PCDHA6: variants seen among roughly 807,000 people sequenced by gnomAD.
The protein encoded by PCDHA6 is protocadherin alpha 6.
In PCDHA6, 55 loss-of-function variants were observed where a neutral mutation model predicts 60.3. That is an observed-to-expected ratio of 0.91 (90% CI 0.73 to 1.14). PCDHA6 has a LOEUF of 1.14. PCDHA6 is among the 50% of genes most tolerant of loss of function. The pLI is 0.00. For missense variants in PCDHA6, 1,327 were observed against 1,256.5 expected (o/e 1.06, Z -0.85); for synonymous variants, 652 against 557.9 (o/e 1.17, Z -2.38).
At chr5:141,003,094 A>G (rs2098111645) in intron 3 of PCDHA6, among the ~76,000 whole-genome samples, 1 of 152,230 alleles carries the variant, frequency 6.6e-6, no homozygotes, top group African/African-American at 2.4e-5. Flanking sequence ...CAGGCCTGGC[A>G]TTTGCTTCAC....
intron 1 of PCDHA6, chr5:140,883,477 C>CTACT: frequency 6.2e-7 from 1 of 1,614,172 alleles, no homozygotes; most frequent in Middle Eastern, 1.7e-4. Context: ...CCTACAAGAA[C>CTACT]TACTACTCAT....
In PCDHA6 at chr5:140,828,733, C is replaced by T. The variant is rs2150158342; in HGVS notation, c.642C>T (p.Ala214=). The T allele has an allele frequency of 1.4e-5, 23 of 1,614,096 alleles. No individual in the cohort carries two copies. In the Middle Eastern group the frequency reaches 8.2e-4, roughly 58 times the overall value. Residue 214 remains alanine, a synonymous_variant, in exon 1 of 4, where the codon GCC becomes GCT. Transcript: ENST00000529310. ...EAPAHNLFLT[A]TDGGKPELTG... ...CTGCACACAACTTATTCCTGACAGC[C>T]ACAGATGGGGGCAAACCTGAGCTCA...
At chr5:140,926,519 C>T (rs2083298131) in intron 1 of PCDHA6, 1 of 204,364 alleles carries the variant, frequency 4.9e-6, no homozygotes, top group Non-Finnish European at 9.7e-6. Flanking sequence ...AGGCTCCGCC[C>T]TGCGCCCGCA....
intron 1 of PCDHA6, chr5:140,884,132 T>C: frequency 6.2e-7 from 1 of 1,613,400 alleles, no homozygotes; most frequent in South Asian, 1.1e-5. Context: ...GCGCATCCCG[T>C]TCCGCGTGGG....
intron 1 of PCDHA6, chr5:140,856,661 C>T: frequency 6.3e-7 from 1 of 1,598,066 alleles, no homozygotes; most frequent in South Asian, 1.1e-5. Flanking sequence ...TGAAGAAAAT[C>T]CTCAGCTAAA....
intron 1 of PCDHA6, 77 bp downstream of exon 1, chr5:140,830,562 T>G (rs1411985813): frequency 4.0e-6 from 4 of 990,432 alleles, no homozygotes; most frequent in Admixed American, 6.9e-5. Context: ...GTCTTCTATA[T>G]TTCTGTTTTT....
chr5:141,010,074 G>T lies in PCDHA6; in HGVS notation c.*137G>T, dbSNP rs1444826216. The stretch of plus-strand genomic sequence containing the variant: ...CTCAGAAATCTGCAGAAAGTTCCCT[G>T]TGTCTGTCTAGAACGCATTTAACAG... On this transcript the variant is annotated 3_prime_UTR_variant, in exon 4 of 4. Coordinates refer to ENST00000529310, the MANE Select transcript of PCDHA6 (RefSeq NM_018909.4). 6.8e-6 allele frequency: 11 copies of T among 1,607,726 alleles called. No individual in the cohort carries two copies. Among genetic ancestry groups the T allele is most frequent in the Non-Finnish European group, 9.3e-6 (11 of 1,176,762 alleles).
chr5:140,830,235 T>A lies in PCDHA6; in HGVS notation c.2144T>A (p.Leu715Gln). The A allele has an allele frequency of 1.9e-6, 3 of 1,613,922 alleles. No individual in the cohort carries two copies. The highest frequency in any genetic ancestry group is 2.5e-6 in the Non-Finnish European group (3 of 1,179,886). The stretch of plus-strand genomic sequence containing the variant: ...GTATCCAGCCTGCTGGTCCTCACGC[T>A]ACTGCTGTACACAGCGCTGCGGTGC... ...CAVSSLLVLT[L>Q]LLYTALRCSA... The change falls in exon 1 of 4, where the codon CTA becomes CAA. Residue 715 changes from leucine (L) to glutamine (Q), a missense_variant. Transcript: ENST00000529310.
chr5:140,841,176 A>G, intron 1 of PCDHA6: 24 of 1,081,656 alleles, frequency 2.2e-5, no homozygotes, highest in Non-Finnish European at 3.1e-5. Context: ...TGGTTGGTCA[A>G]TGTTCAAAGT....
chr5:140,870,689 T>G (rs1349209235), intron 1 of PCDHA6: 1 of 1,612,838 alleles, frequency 6.2e-7, no homozygotes. Context: ...GAGCTGGAGC[T>G]GCTACAGTTC....
rs1770983457 is a variant in PCDHA6, at chr5:140,830,316, C to A, written c.2225C>A (p.Ser742Tyr). 1.2e-6 allele frequency: 2 copies of A among 1,613,980 alleles called. No homozygotes were observed. Among genetic ancestry groups the A allele is most frequent in the Non-Finnish European group, 1.7e-6 (2 of 1,179,936 alleles). ...GCGGACAAGCCCACGCTGGTGTGCTCCAGCGCAGTGGGGAGCTGGTCGTAC... is the reference window on the plus strand; with the variant it reads ...GCGGACAAGCCCACGCTGGTGTGCTACAGCGCAGTGGGGAGCTGGTCGTAC... ...CTADKPTLVC[S>Y]SAVGSWSYSQ... The change falls in exon 1 of 4, where the codon TCC becomes TAC. Residue 742 changes from serine (S) to tyrosine (Y), a missense_variant. Physicochemically the swap from Ser to Tyr is moderately radical, Grantham distance 144. Transcript: ENST00000529310.
At chr5:140,846,874 G>A (rs1315132744) in intron 1 of PCDHA6, among the ~76,000 whole-genome samples, 2 of 149,594 alleles carry the variant, frequency 1.3e-5, no homozygotes, top group Admixed American at 6.7e-5. Flanking sequence ...AGGTACAAGA[G>A]GTAAATCAGA....
intron 1 of PCDHA6, chr5:140,966,488 C>T: frequency 2.3e-6 from 1 of 440,248 alleles, no homozygotes; most frequent in Non-Finnish European, 3.9e-6. Flanking sequence ...TTTCCCTCCC[C>T]CTGGAGCTGT....
chr5:140,904,926 A>G (rs1459530811), intron 1 of PCDHA6, among the ~76,000 whole-genome samples: 1 of 152,130 alleles, frequency 6.6e-6, no homozygotes, highest in Admixed American at 6.5e-5. Context: ...ACTTCCTTGT[A>G]GGTTCTGGAT....
chr5:140,875,388 G>A, intron 1 of PCDHA6: 5 of 1,468,696 alleles, frequency 3.4e-6, no homozygotes, highest in Non-Finnish European at 4.5e-6. Flanking sequence ...TGTACTTACA[G>A]AAAAGGGTGA....
chr5:140,896,228 G>C (rs567886194), intron 1 of PCDHA6, among the ~76,000 whole-genome samples: 1 of 152,298 alleles, frequency 6.6e-6, no homozygotes, highest in South Asian at 2.1e-4. Context: ...CTTTATAGTA[G>C]AATGACTTAT....
At chr5:140,845,285 A>G (rs1237210455) in intron 1 of PCDHA6, among the ~76,000 whole-genome samples, 1 of 149,314 alleles carries the variant, frequency 6.7e-6, no homozygotes, top group East Asian at 1.9e-4. Context: ...AATATTTCCT[A>G]TCCTGTCTAT....
chr5:140,957,717 A>G (rs2095377934), intron 1 of PCDHA6, among the ~76,000 whole-genome samples: 1 of 152,166 alleles, frequency 6.6e-6, no homozygotes, highest in African/African-American at 2.4e-5. Context: ...TTATTAAGAA[A>G]GAAGCAGAAT....
chr5:140,846,369 CTTTCTTTTT>C lies in PCDHA6; in HGVS notation c.2394+15888_2394+15896del, dbSNP rs1780378875. Among the ~76,000 whole-genome samples the C allele has an allele frequency of 1.9e-4, 19 of 102,176 alleles. 2 individuals are homozygous for C. In the South Asian group the frequency reaches 2.3e-3, roughly 12 times the overall value. The allele number at this position is 102,176 out of a possible 152,430, so 67.0% of individuals were successfully genotyped here. On this transcript the variant is annotated intron_variant, in intron 1 of 3. Transcript: ENST00000529310. ...TTCTCTTTTTTCTTTTCTTTTCTTT[CTTTCTTTTT>C]TTTTTTTTTTTTTTGAGACGGAGTC...
Sources: allele counts gnomAD v4.1 joint callset (sites outside exome capture counted in the v4.1 genomes callset), GRCh38; gene constraint gnomAD v4.1.1; transcripts MANE v1.5; gene names NCBI Gene and HGNC (gene_info 2026-07-23, HGNC 2026-07-21).